PDE6H: variants seen among roughly 807,000 people sequenced by gnomAD.
PDE6H encodes the protein retinal cone rhodopsin-sensitive cGMP 3',5'-cyclic phosphodiesterase subunit gamma.
In PDE6H, 11 loss-of-function variants were observed where a neutral mutation model predicts 9.2. That is an observed-to-expected ratio of 1.19 (90% CI 0.75 to 1.97). The LOEUF (loss-of-function observed/expected upper bound fraction) is 1.97, where lower values mean the gene tolerates loss of function less well. Ranked by LOEUF, PDE6H falls within the 30% of genes most tolerant of loss-of-function variation. PDE6H has a pLI of 0.00. For synonymous variants in PDE6H, 36 were observed against 33.6 expected, an observed-to-expected ratio of 1.07 and a Z score of -0.25; for missense variants, 98 against 101.5, an observed-to-expected ratio of 0.97 and a Z score of 0.15.
At position 14,981,765 on chromosome 12, in the gene PDE6H, T is replaced by G. The variant is rs547192649; in HGVS notation, c.*289T>G. On this transcript the variant is annotated 3_prime_UTR_variant, in exon 4 of 4. Transcript: ENST00000266395. ...TTTATCTGTAAGTCCTTTAAATCTA[T>G]TTTTGCTAGGCATTCATTATGATTA... 8.0e-6 allele frequency: 4 copies of G among 503,064 alleles called. No individual in the cohort carries two copies. In the East Asian group the frequency reaches 1.5e-4, roughly 18 times the overall value. 31.2% of individuals were successfully genotyped at this position (503,064 alleles called of 1,614,324 possible).
In PDE6H at chr12:14,981,546, C is replaced by A; in HGVS notation, c.*70C>A. The A allele has an allele frequency of 2.0e-6, 2 of 1,022,954 alleles. No individual in the cohort carries two copies. The highest frequency in any genetic ancestry group is 3.1e-6 in the Non-Finnish European group (2 of 643,288). 63.4% of individuals were successfully genotyped at this position (1,022,954 alleles called of 1,614,324 possible). ...TGGTTGCTTTTGCCCTGTTGATCTG[C>A]CGGAGTCTTGAAATTCAGCTGATTG... On this transcript the variant is annotated 3_prime_UTR_variant, in exon 4 of 4. Coordinates refer to ENST00000266395, the MANE Select transcript of PDE6H (RefSeq NM_006205.3).
intron 1 of PDE6H, 122 bp from the exon 2 acceptor site, chr12:14,977,850 A>G (rs1864618897): frequency 1.5e-6 from 1 of 662,974 alleles, no homozygotes. Context: ...CTTTTGTGTC[A>G]ACACAAAATA....
chr12:14,981,201 C>T (rs1478648641), intron 3 of PDE6H, among the ~76,000 whole-genome samples, 199 bp from the exon 4 acceptor site: 6 of 152,236 alleles, frequency 3.9e-5, no homozygotes, highest in Non-Finnish European at 8.8e-5. Flanking sequence ...CAGAATGAAA[C>T]CAACAGAGAT....
Position 14,978,134 on chromosome 12 carries a change from A to T in PDE6H, c.122A>T (p.Lys41Ile), listed in dbSNP as rs1296999995. ...TRQFKSKPPK[K>I]GVKGFGDDIP... ...CAATTCAAGAGTAAACCTCCAAAGAAAGGTGTGAAAGGGTAAGACCAAAAT... is the reference window on the plus strand; with the variant it reads ...CAATTCAAGAGTAAACCTCCAAAGATAGGTGTGAAAGGGTAAGACCAAAAT... Residue 41 changes from lysine to isoleucine, a missense_variant, in exon 2 of 4, where the codon AAA (lysine) becomes ATA (isoleucine). Transcript: ENST00000266395. The T allele has an allele frequency of 6.2e-7, 1 of 1,613,740 alleles. No homozygotes were observed. Among genetic ancestry groups the T allele is most frequent in the South Asian group, 1.1e-5 (1 of 91,062 alleles).
rs1389948450 is a variant in PDE6H at position 14,979,199 on chromosome 12, G to A, written c.155G>A (p.Gly52Glu). 1.2e-6 allele frequency: 2 copies of A among 1,609,298 alleles called. No individual in the cohort carries two copies. Among genetic ancestry groups the A allele is most frequent in the Admixed American group, 1.7e-5 (1 of 60,016 alleles). Residue 52 changes from glycine to glutamate, a missense_variant, in exon 3 of 4, where the codon GGA becomes GAA. Transcript: ENST00000266395. ...GVKGFGDDIP[G>E]MEGLGTDITV... ...CATAGATTTGGAGATGACATTCCAG[G>A]AATGGAGGGGCTAGGAACAGGTAAG... is the stretch of plus-strand genomic sequence containing the variant.
chr12:14,980,707 A>G (rs1461943582), intron 3 of PDE6H, among the ~76,000 whole-genome samples: 4 of 152,218 alleles, frequency 2.6e-5, no homozygotes, highest in Non-Finnish European at 5.9e-5. Flanking sequence ...TGACTCTGAC[A>G]GTGTATTTGG....
In PDE6H at chr12:14,978,164, A is replaced by T. The variant is rs921935483; in HGVS notation, c.134+18A>T. 6.2e-7 allele frequency: 1 copy of T among 1,611,412 alleles called. No individual in the cohort carries two copies. The highest frequency in any genetic ancestry group is 8.5e-7 in the Non-Finnish European group (1 of 1,178,284). On this transcript the variant is annotated intron_variant, in intron 2 of 3. Transcript: ENST00000266395. ...GTGAAAGGGTAAGACCAAAATGAAAAGAAAAACTTTCTATTACTTTCTTTT... is the reference window on the plus strand; with the variant it reads ...GTGAAAGGGTAAGACCAAAATGAAATGAAAAACTTTCTATTACTTTCTTTT...
At chr12:14,977,339 T>A (rs1335926025) in intron 1 of PDE6H, among the ~76,000 whole-genome samples, 2 of 152,118 alleles carry the variant, frequency 1.3e-5, no homozygotes, top group Non-Finnish European at 2.9e-5. Flanking sequence ...CATGAAGGAC[T>A]ATAAAAAAAC....
chr12:14,973,314 C>T (rs1864547047), intron 1 of PDE6H, among the ~76,000 whole-genome samples: 1 of 152,164 alleles, frequency 6.6e-6, no homozygotes, highest in Admixed American at 6.5e-5. Context: ...AAGGTCACTG[C>T]AAAACTTGAT....
intron 3 of PDE6H, among the ~76,000 whole-genome samples, chr12:14,980,781 C>A (rs1864670086): frequency 6.6e-6 from 1 of 152,206 alleles, no homozygotes; most frequent in Non-Finnish European, 1.5e-5. Flanking sequence ...CTAGTCTCAG[C>A]TCTACAACTA....
chr12:14,981,285 A>T, intron 3 of PDE6H, 115 bp from the exon 4 acceptor site: 1 of 789,426 alleles, frequency 1.3e-6, no homozygotes, highest in Non-Finnish European at 2.3e-6. Context: ...CTTCCCAGTC[A>T]GGGGACAATG....
At position 14,979,234 on chromosome 12, in the gene PDE6H, G is replaced by A. The variant is rs775205847; in HGVS notation, c.175+15G>A. 6.3e-7 allele frequency: 1 copy of A among 1,587,158 alleles called. No homozygotes were observed. The highest frequency in any genetic ancestry group is 8.7e-7 in the Non-Finnish European group (1 of 1,155,538). ...GCTAGGAACAGGTAAGCCATCCACTGATTTAAGTGAGAACTTCGCACTTGG... is the reference window on the plus strand; with the variant it reads ...GCTAGGAACAGGTAAGCCATCCACTAATTTAAGTGAGAACTTCGCACTTGG... On this transcript the variant is annotated intron_variant, in intron 3 of 3. Coordinates refer to ENST00000266395, the MANE Select transcript of PDE6H (RefSeq NM_006205.3).
Position 14,974,152 on chromosome 12 carries a change from G to T in PDE6H, c.-42+1066G>T, listed in dbSNP as rs188818851. ...AAAGAATAAATTGCCTAATGCTTTT[G>T]GAGGAAAAAATATGAAACTTCTTTC... is the stretch of plus-strand genomic sequence containing the variant. On this transcript the variant is annotated intron_variant, in intron 1 of 3. Transcript: ENST00000266395. Among the ~76,000 whole-genome samples, 87 of 152,282 alleles carry T rather than the reference G, an allele frequency of 5.7e-4. 2 individuals carry two copies. In the East Asian group the frequency reaches 0.015, roughly 26 times the overall value.
At chr12:14,976,938 T>A (rs577587950) in intron 1 of PDE6H, among the ~76,000 whole-genome samples, 19 of 152,336 alleles carry the variant, frequency 1.2e-4, no homozygotes, top group African/African-American at 4.3e-4. Flanking sequence ...CATTAATTGC[T>A]TAAATTTATC....
chr12:14,981,545 G>T lies in PDE6H; in HGVS notation c.*69G>T. On this transcript the variant is annotated 3_prime_UTR_variant, in exon 4 of 4. Coordinates refer to ENST00000266395, the MANE Select transcript of PDE6H (RefSeq NM_006205.3). Reference sequence around the variant, plus strand: ...TTGGTTGCTTTTGCCCTGTTGATCTGCCGGAGTCTTGAAATTCAGCTGATT... The same window carrying T: ...TTGGTTGCTTTTGCCCTGTTGATCTTCCGGAGTCTTGAAATTCAGCTGATT... 1 of 1,028,276 alleles carries T rather than the reference G, an allele frequency of 9.7e-7. No individual in the cohort carries two copies. Among genetic ancestry groups the T allele is most frequent in the Non-Finnish European group, 1.5e-6 (1 of 647,932 alleles). 63.7% of individuals were successfully genotyped at this position (1,028,276 alleles called of 1,614,324 possible).
intron 3 of PDE6H, 69 bp downstream of exon 3, chr12:14,979,288 T>C (rs1864644790): frequency 5.0e-6 from 5 of 991,536 alleles, no homozygotes; most frequent in Non-Finnish European, 8.1e-6. Context: ...ACTTCAGGCC[T>C]CAAGGGGCAG....
chr12:14,978,776 A>T (rs963557958), intron 2 of PDE6H, among the ~76,000 whole-genome samples: 2 of 152,232 alleles, frequency 1.3e-5, no homozygotes, highest in South Asian at 4.1e-4. Flanking sequence ...TCTGTGCTTA[A>T]TAAAATGCCT....
intron 3 of PDE6H, among the ~76,000 whole-genome samples, chr12:14,980,149 C>G (rs1864660131): frequency 6.6e-6 from 1 of 152,194 alleles, no homozygotes; most frequent in South Asian, 2.1e-4. Context: ...CTCTCTCTCT[C>G]TAAACCCCAG....
At chr12:14,974,769 T>C (rs1364167185) in intron 1 of PDE6H, among the ~76,000 whole-genome samples, 2 of 152,206 alleles carry the variant, frequency 1.3e-5, no homozygotes, top group East Asian at 1.9e-4. Context: ...CGAGGGCAGA[T>C]GATAATTGCC....
Sources: allele counts gnomAD v4.1 joint callset (sites outside exome capture counted in the v4.1 genomes callset), GRCh38; gene constraint gnomAD v4.1.1; transcripts MANE v1.5; gene names NCBI Gene and HGNC (gene_info 2026-07-23, HGNC 2026-07-21).